LEKR1: variants seen among roughly 807,000 people sequenced by gnomAD.
LEKR1 encodes the protein protein LEKR1.
Under a neutral mutation model 72.4 loss-of-function variants are expected in LEKR1, and 59 were observed. That is an observed-to-expected ratio of 0.82 (90% confidence interval 0.66 to 1.01). The LOEUF (loss-of-function observed/expected upper bound fraction) is 1.01. Ranked by LOEUF, LEKR1 falls within the 50% of genes least tolerant of loss-of-function variation. LEKR1 has a pLI of 0.00. For synonymous variants in LEKR1, 257 were observed against 263.2 expected, an observed-to-expected ratio of 0.98 and a Z score of 0.23; for missense variants, 728 against 759.2, an observed-to-expected ratio of 0.96 and a Z score of 0.48.
intron 3 of LEKR1, among the ~76,000 whole-genome samples, chr3:156,915,311 G>A (rs1723521683): frequency 6.6e-6 from 1 of 151,842 alleles, no homozygotes; most frequent in African/African-American, 2.4e-5. Context: ...CTGTTTTTAG[G>A]TCTTTGAGGA....
intron 3 of LEKR1, among the ~76,000 whole-genome samples, chr3:156,895,657 G>A (rs1452807484): frequency 6.6e-6 from 1 of 152,004 alleles, no homozygotes; most frequent in Non-Finnish European, 1.5e-5. Flanking sequence ...ACACCACAGT[G>A]AGATACCATC....
chr3:156,891,552 T>C (rs1195374147), intron 3 of LEKR1, among the ~76,000 whole-genome samples: 2 of 152,048 alleles, frequency 1.3e-5, no homozygotes, highest in African/African-American at 4.8e-5. Context: ...GGCAGTGTTA[T>C]TATCTGAGAG....
At chr3:156,995,339 G>A (rs1432371474) in intron 9 of LEKR1, among the ~76,000 whole-genome samples, 1 of 152,162 alleles carries the variant, frequency 6.6e-6, no homozygotes, top group African/African-American at 2.4e-5. Flanking sequence ...AATGTTGAAT[G>A]AGAAGGACAG....
At chr3:156,900,862 C>T (rs903787251) in intron 3 of LEKR1, among the ~76,000 whole-genome samples, 1 of 152,074 alleles carries the variant, frequency 6.6e-6, no homozygotes, top group Non-Finnish European at 1.5e-5. Context: ...CATACAATAT[C>T]TTGTTGAATG....
chr3:156,872,400 A>C (rs1387198262), intron 3 of LEKR1, among the ~76,000 whole-genome samples: 1 of 151,518 alleles, frequency 6.6e-6, no homozygotes, highest in Non-Finnish European at 1.5e-5. Context: ...CATTTCATTG[A>C]TCCTTTTTAT....
At chr3:156,842,711 T>C (rs1315976520) in intron 2 of LEKR1, among the ~76,000 whole-genome samples, 1 of 152,188 alleles carries the variant, frequency 6.6e-6, no homozygotes, top group East Asian at 1.9e-4. Context: ...AAGCTACAGT[T>C]AGAGAATCCA....
chr3:156,971,187 A>T (rs1217638836), intron 6 of LEKR1, among the ~76,000 whole-genome samples: 1 of 152,212 alleles, frequency 6.6e-6, no homozygotes, highest in South Asian at 2.1e-4. Flanking sequence ...ATAACGCCGC[A>T]TGTCTACGAC....
At chr3:156,960,024 C>A (rs1727976040) in intron 6 of LEKR1, among the ~76,000 whole-genome samples, 1 of 152,098 alleles carries the variant, frequency 6.6e-6, no homozygotes, top group Non-Finnish European at 1.5e-5. Flanking sequence ...GACCCTTTCA[C>A]ACATTAGGCA....
intron 6 of LEKR1, among the ~76,000 whole-genome samples, chr3:156,972,432 A>G (rs974126199): frequency 6.6e-6 from 1 of 152,182 alleles, no homozygotes; most frequent in African/African-American, 2.4e-5. Context: ...AACATGGCAC[A>G]TGTATACACA....
intron 9 of LEKR1, 22 bp from the exon 10 acceptor site, chr3:157,011,391 T>A: frequency 1.3e-6 from 2 of 1,558,382 alleles, no homozygotes; most frequent in African/African-American, 2.7e-5. Context: ...ATTGACTCAT[T>A]TGTCGGGTTT....
intron 6 of LEKR1, among the ~76,000 whole-genome samples, chr3:156,964,711 A>C (rs1212212900): frequency 6.6e-6 from 1 of 152,116 alleles, no homozygotes; most frequent in Non-Finnish European, 1.5e-5. Flanking sequence ...GATACACTCC[A>C]TCTCCTTCAG....
chr3:156,832,367 CA>C (rs1275260945), intron 2 of LEKR1, among the ~76,000 whole-genome samples: 1 of 152,192 alleles, frequency 6.6e-6, no homozygotes, highest in Non-Finnish European at 1.5e-5. Context: ...AATCTAATAA[CA>C]GTTGTACTAT....
chr3:156,862,825 A>T (rs1207869267), intron 3 of LEKR1, among the ~76,000 whole-genome samples: 1 of 152,086 alleles, frequency 6.6e-6, no homozygotes. Context: ...GTGGAGTTCC[A>T]CTCAGTGGAG....
intron 5 of LEKR1, among the ~76,000 whole-genome samples, chr3:156,937,463 A>G (rs1159594572): frequency 6.6e-6 from 1 of 152,216 alleles, no homozygotes; most frequent in Non-Finnish European, 1.5e-5. Flanking sequence ...CAAAACCACA[A>G]TTAAATACAA....
chr3:156,932,969 G>A (rs919853606), intron 5 of LEKR1, among the ~76,000 whole-genome samples: 2 of 152,112 alleles, frequency 1.3e-5, no homozygotes, highest in African/African-American at 4.8e-5. Flanking sequence ...GGCAGAGCTT[G>A]CAGTGAGCAG....
chr3:156,846,608 C>T (rs971277619), intron 2 of LEKR1, among the ~76,000 whole-genome samples: 1 of 152,110 alleles, frequency 6.6e-6, no homozygotes, highest in African/African-American at 2.4e-5. Flanking sequence ...ATCTCAAAAA[C>T]TTTCTCCTAA....
intron 3 of LEKR1, among the ~76,000 whole-genome samples, chr3:156,880,841 T>C (rs1213132103): frequency 2.0e-5 from 3 of 152,184 alleles, no homozygotes. Flanking sequence ...CAAGGCTGGT[T>C]CAATATATGC....
chr3:156,945,789 G>A (rs1726624484), intron 6 of LEKR1, among the ~76,000 whole-genome samples: 1 of 151,426 alleles, frequency 6.6e-6, no homozygotes, highest in Non-Finnish European at 1.5e-5. Flanking sequence ...TATGTTTTCT[G>A]TTCTGTTCCA....
intron 2 of LEKR1, among the ~76,000 whole-genome samples, chr3:156,849,145 C>A (rs1265298009): frequency 2.0e-5 from 3 of 152,100 alleles, no homozygotes; most frequent in African/African-American, 7.2e-5. Flanking sequence ...CATGAGTGAA[C>A]TCCCATTCAC....
Sources: gnomAD v4.1 joint callset for allele counts (sites outside exome capture counted in the v4.1 genomes callset) on GRCh38, gnomAD v4.1.1 for gene constraint, MANE v1.5 for transcripts, NCBI Gene and HGNC (gene_info 2026-07-23, HGNC 2026-07-21) for gene names.